MASP2: variants seen among roughly 807,000 people sequenced by gnomAD.
MASP2 encodes MBL associated serine protease 2.
A neutral mutation model predicts 57.1 loss-of-function variants in MASP2; 49 were observed. The observed-to-expected ratio is 0.86, with a 90% CI of 0.68 to 1.09. The LOEUF (loss-of-function observed/expected upper bound fraction) is 1.09, where lower values mean the gene tolerates loss of function less well. MASP2 is among the 50% of genes least tolerant of loss of function. The probability of loss-of-function intolerance (pLI) is 0.00; values close to 1 mark genes in which losing one functional copy is unlikely to be tolerated. For synonymous variants in MASP2, 379 were observed against 340.8 expected (o/e 1.11, Z -1.24); for missense variants, 900 against 874.8 (o/e 1.03, Z -0.36).
rs1182345879 is a variant in MASP2, at chr1:11,027,549, G to A, written c.1397C>T (p.Thr466Ile). 1.2e-6 allele frequency: 2 copies of A among 1,614,168 alleles called. No individual in the cohort carries two copies. The highest frequency in any genetic ancestry group is 2.2e-5 in the East Asian group (1 of 44,878). ...FPWQVLILGGTTAAGALLYDN... is the reference protein window; with the variant it reads ...FPWQVLILGGITAAGALLYDN... ...ATATAAAAGTGCACCTGCTGCTGTG[G>A]TTCCACCTAATATCAGGACTTGCCA... Residue 466 changes from threonine to isoleucine, a missense_variant, in exon 11 of 11, where the codon ACC becomes ATC. Thr to Ile is a moderately conservative substitution (Grantham distance 89). Transcript: ENST00000400897.
At chr1:11,038,721 A>G (rs554447809) in intron 6 of MASP2, among the ~76,000 whole-genome samples, 1 of 152,276 alleles carries the variant, frequency 6.6e-6, no homozygotes, top group African/African-American at 2.4e-5. Context: ...TGAGGAATCA[A>G]TCTCCAGGGA....
chr1:11,045,049 C>T (rs2273345), intron 4 of MASP2: 851,127 of 1,162,654 alleles, frequency 0.73, 322,434 homozygotes, highest in Non-Finnish European at 0.78. Context: ...GCTGCCCACG[C>T]CCCAGAGCAC....
intron 8 of MASP2, among the ~76,000 whole-genome samples, chr1:11,033,961 A>ACT (rs1643871097): frequency 1.1e-4 from 2 of 17,998 alleles, no homozygotes; most frequent in African/African-American, 5.0e-4. Context: ...ACACACACAC[A>ACT]CACACTCTCT....
chr1:11,040,252 C>T (rs942997637), intron 6 of MASP2, among the ~76,000 whole-genome samples: 2 of 151,706 alleles, frequency 1.3e-5, no homozygotes, highest in African/African-American at 2.4e-5. Context: ...GGATGGATCA[C>T]GAGGTCAAGA....
chr1:11,045,674 T>C, intron 3 of MASP2, 135 bp from the exon 4 acceptor site: 1 of 988,894 alleles, frequency 1.0e-6, no homozygotes, highest in South Asian at 1.7e-5. Flanking sequence ...GCGGGACTGG[T>C]GCCGGGCCAA....
intron 7 of MASP2, among the ~76,000 whole-genome samples, chr1:11,036,071 G>A (rs559471962): frequency 4.6e-5 from 7 of 152,128 alleles, no homozygotes; most frequent in East Asian, 1.9e-4. Context: ...AGCTTTCACC[G>A]CCAGCGTCAT....
At chr1:11,030,439 C>T (rs1405549012) in intron 9 of MASP2, 189 bp from the exon 10 acceptor site, 1 of 590,070 alleles carries the variant, frequency 1.7e-6, no homozygotes, top group African/African-American at 1.9e-5. Context: ...AAAGTGGAAA[C>T]CTTTTAGATG....
chr1:11,027,407 C>G lies in MASP2; in HGVS notation c.1539G>C (p.Trp513Cys), dbSNP rs532259057. The G allele has an allele frequency of 1.4e-5, 22 of 1,614,082 alleles. No homozygotes were observed. Among genetic ancestry groups the G allele is most frequent in the Non-Finnish European group, 1.9e-5 (22 of 1,180,048 alleles). Residue 513 changes from tryptophan to cysteine, a missense_variant, in exon 11 of 11, where the codon TGG becomes TGC. By Grantham distance (215) the Trp-to-Cys change is radical. Transcript: ENST00000400897. Reference sequence around the variant, plus strand: ...CTTCATGTATAAAAACAGCTTCAGACCAGGCTTGTGTATAATGAGGTGATA... The same window carrying G: ...CTTCATGTATAAAAACAGCTTCAGAGCAGGCTTGTGTATAATGAGGTGATA... ...KRLSPHYTQA[W>C]SEAVFIHEGY...
intron 4 of MASP2, chr1:11,045,072 C>T: frequency 2.1e-6 from 2 of 953,052 alleles, no homozygotes; most frequent in Non-Finnish European, 3.3e-6. Context: ...GCCCGTCCCA[C>T]AGTGCAGGGA....
At chr1:11,034,588 C>T (rs909553913) in intron 8 of MASP2, among the ~76,000 whole-genome samples, 1 of 151,168 alleles carries the variant, frequency 6.6e-6, no homozygotes, top group African/African-American at 2.4e-5. Flanking sequence ...GTCCCAGCTA[C>T]TCAGGAGGCT....
At chr1:11,031,422 G>A (rs534208348) in intron 8 of MASP2, among the ~76,000 whole-genome samples, 79 of 150,102 alleles carry the variant, frequency 5.3e-4, no homozygotes, top group African/African-American at 1.9e-3. Context: ...CCAGCTACTC[G>A]GGAGGCTGAG....
intron 6 of MASP2, among the ~76,000 whole-genome samples, chr1:11,039,729 T>TGAAA (rs1355868733): frequency 7.4e-5 from 11 of 148,370 alleles, no homozygotes; most frequent in Non-Finnish European, 1.6e-4. Context: ...GATGGATAGC[T>TGAAA]GGAAGGATGG....
intron 8 of MASP2, among the ~76,000 whole-genome samples, chr1:11,034,336 T>C (rs1443257135): frequency 3.4e-5 from 5 of 148,082 alleles, no homozygotes; most frequent in Non-Finnish European, 7.4e-5. Context: ...CCTCTAAGAA[T>C]GCACTGAGAG....
intron 8 of MASP2, among the ~76,000 whole-genome samples, chr1:11,031,482 T>A (rs1189335661): frequency 8.2e-6 from 1 of 122,432 alleles, no homozygotes; most frequent in Admixed American, 1.1e-4. Flanking sequence ...AGAGCCAAGA[T>A]GGCACCACTT....
At chr1:11,045,583 G>A in intron 3 of MASP2, 44 bp from the exon 4 acceptor site, 1 of 1,568,314 alleles carries the variant, frequency 6.4e-7, no homozygotes, top group Non-Finnish European at 8.6e-7. Flanking sequence ...GAGGGAAAGA[G>A]GCGGGATCCA....
At chr1:11,037,669 G>T in intron 7 of MASP2, 24 bp downstream of exon 7, 1 of 1,407,746 alleles carries the variant, frequency 7.1e-7, no homozygotes, top group Non-Finnish European at 9.9e-7. Context: ...GTCATTGATC[G>T]TGGTGTACTT....
rs780277864 is a variant in MASP2, at chr1:11,046,946, T to C, written c.179A>G (p.Tyr60Cys). ...TAPPGYRLRL[Y>C]FTHFDLELSH... is the part of the protein sequence containing the mutation. ...GAGCTCCAGGTCGAAGTGGGTGAAG[T>C]AGAGGCGCAGGCGGTAGCCGGGGGG... Residue 60 changes from tyrosine to cysteine, a missense_variant, in exon 2 of 11, where the codon TAC (tyrosine) becomes TGC (cysteine). Coordinates refer to ENST00000400897, the MANE Select transcript of MASP2 (RefSeq NM_006610.4). 62 of 1,570,602 alleles carry C rather than the reference T, an allele frequency of 3.9e-5. No individual in the cohort carries two copies. In the Admixed American group the frequency reaches 7.1e-4, roughly 18 times the overall value.
Position 11,037,813 on chromosome 1 carries a change from T to A in MASP2, c.890-2A>T. On this transcript the variant is annotated splice_acceptor_variant, in intron 6 of 10. Transcript: ENST00000400897. LOFTEE classifies it high-confidence loss of function. The stretch of plus-strand genomic sequence containing the variant: ...CCATCGGATAAGGGCAAGGCTGCGC[T>A]GCGCAGAGGAAACCAGGCTTGTTGG... The A allele has an allele frequency of 6.3e-7, 1 of 1,592,330 alleles. No homozygotes were observed. The highest frequency in any genetic ancestry group is 8.6e-7 in the Non-Finnish European group (1 of 1,167,064).
At chr1:11,043,247 G>A in intron 5 of MASP2, 92 bp downstream of exon 5, 3 of 1,208,842 alleles carry the variant, frequency 2.5e-6, no homozygotes, top group Non-Finnish European at 3.5e-6. Flanking sequence ...AGGGTGACGG[G>A]AACGTGGTGG....
Sources: allele counts gnomAD v4.1 joint callset (sites outside exome capture counted in the v4.1 genomes callset), GRCh38; gene constraint gnomAD v4.1.1; transcripts MANE v1.5; gene names NCBI Gene and HGNC (gene_info 2026-07-23, HGNC 2026-07-21).